The following FAM20C variants were observed in gnomAD, a reference collection of about 807,000 sequenced individuals.
FAM20C encodes the protein FAM20C golgi associated secretory pathway kinase, also known as extracellular serine/threonine protein kinase FAM20C.
Under a neutral mutation model 51.5 loss-of-function variants are expected in FAM20C, and 40 were observed. That is an observed-to-expected ratio of 0.78 (90% confidence interval 0.60 to 1.01). The LOEUF (loss-of-function observed/expected upper bound fraction) is 1.01. Ranked by LOEUF, FAM20C falls within the 50% of genes least tolerant of loss-of-function variation. The probability of loss-of-function intolerance (pLI) is 0.00; values close to 1 mark genes in which losing one functional copy is unlikely to be tolerated. For missense variants in FAM20C, 861 were observed against 844.7 expected, an observed-to-expected ratio of 1.02 and a Z score of -0.24; for synonymous variants, 406 against 380.6, an observed-to-expected ratio of 1.07 and a Z score of -0.78.
chr7:244,092 G>A (rs899615848), intron 3 of FAM20C, among the ~76,000 whole-genome samples: 10 of 151,852 alleles, frequency 6.6e-5, no homozygotes, highest in African/African-American at 1.9e-4. Flanking sequence ...GTGCCACCAC[G>A]CCCAGCTGAT....
At chr7:228,468 G>A in intron 3 of FAM20C, 1 of 456,136 alleles carries the variant, frequency 2.2e-6, no homozygotes, top group South Asian at 1.5e-5. Context: ...GGCTCAGTGT[G>A]GGGTCAACAA....
intron 3 of FAM20C, among the ~76,000 whole-genome samples, chr7:213,061 C>T (rs995101804): frequency 5.3e-5 from 8 of 151,532 alleles, no homozygotes; most frequent in African/African-American, 1.7e-4. Flanking sequence ...AATGGAATCA[C>T]GCACTGCGTA....
chr7:242,586 T>A (rs141458076), intron 3 of FAM20C, among the ~76,000 whole-genome samples: 1 of 151,790 alleles, frequency 6.6e-6, no homozygotes, highest in Non-Finnish European at 1.5e-5. Flanking sequence ...GGGAGCGGGA[T>A]GGACAGTGGG....
chr7:222,952 G>T (rs1787302672), intron 3 of FAM20C, among the ~76,000 whole-genome samples: 3 of 152,172 alleles, frequency 2.0e-5, no homozygotes. Flanking sequence ...GCATGTGTGT[G>T]TGAGGGCGTT....
intron 3 of FAM20C, among the ~76,000 whole-genome samples, chr7:215,228 TGGG>T (rs71016858): frequency 1.2e-5 from 1 of 80,030 alleles, no homozygotes; most frequent in South Asian, 5.2e-4. Context: ...AGGCTCCAGC[TGGG>T]GGGGGGAGCA....
chr7:235,647 G>A (rs910516740), intron 3 of FAM20C, among the ~76,000 whole-genome samples: 2 of 152,324 alleles, frequency 1.3e-5, no homozygotes, highest in Admixed American at 6.5e-5. Context: ...GTCTCCTCCC[G>A]CTCGGGTGGG....
intron 3 of FAM20C, among the ~76,000 whole-genome samples, chr7:232,744 C>CTA (rs1296554813): frequency 6.6e-6 from 1 of 152,244 alleles, no homozygotes; most frequent in Admixed American, 6.5e-5. Flanking sequence ...CCGGGAATGC[C>CTA]TAGCGCCGCG....
In FAM20C at chr7:246,220, G is replaced by A. The variant is rs371477031; in HGVS notation, c.864-195G>A. On this transcript the variant is annotated intron_variant, in intron 3 of 9. Coordinates refer to ENST00000313766, the MANE Select transcript of FAM20C (RefSeq NM_020223.4). ...CGGGGAGCTGGGACCCCCGGCCTCCGTCGCACGTGCCTGCGCTGCTCTGAG... is the reference window on the plus strand; with the variant it reads ...CGGGGAGCTGGGACCCCCGGCCTCCATCGCACGTGCCTGCGCTGCTCTGAG... 259 of 561,592 alleles carry A rather than the reference G, an allele frequency of 4.6e-4. 7 individuals are homozygous for A. In the South Asian group the frequency reaches 4.7e-3, roughly 10 times the overall value. 34.8% of individuals were successfully genotyped at this position (561,592 alleles called of 1,614,324 possible). A position where few individuals can be genotyped will look rare whatever the true frequency, so the allele number is the denominator to read the frequency against.
intron 3 of FAM20C, among the ~76,000 whole-genome samples, chr7:245,415 C>T (rs1041305523): frequency 1.3e-5 from 2 of 151,890 alleles, no homozygotes; most frequent in African/African-American, 4.8e-5. Flanking sequence ...GGGACGGGCT[C>T]TCCTTCCAGT....
At chr7:223,618 C>T (rs900326956) in intron 3 of FAM20C, among the ~76,000 whole-genome samples, 2 of 152,186 alleles carry the variant, frequency 1.3e-5, no homozygotes, top group African/African-American at 2.4e-5. Flanking sequence ...GTCCCGGCTG[C>T]TGCACCGAGC....
rs1562388903 is a variant in FAM20C, at chr7:237,481, G to A, written c.864-8934G>A. ...TGCTGATGGTGATTGTGATGATAGT[G>A]ATGGTGATGATGGAGATAATGGTGA... is the stretch of plus-strand genomic sequence containing the variant. On this transcript the variant is annotated intron_variant, in intron 3 of 9. Transcript: ENST00000313766. Among the ~76,000 whole-genome samples, 3 of 152,194 alleles carry A rather than the reference G, an allele frequency of 2.0e-5. 1 individual carries two copies. The South Asian group carries it at 6.2e-4, about 32-fold the overall frequency.
intron 2 of FAM20C, among the ~76,000 whole-genome samples, chr7:197,899 GCTCACTGCCACCC>G (rs1785955483): frequency 2.0e-5 from 3 of 152,200 alleles, no homozygotes; most frequent in Admixed American, 2.0e-4. Flanking sequence ...GCTAGGCTTG[GCTCACTGCCACCC>G]CTCTTTGGTC....
At chr7:251,021 G>T (rs1486112428) in intron 5 of FAM20C, among the ~76,000 whole-genome samples, 1 of 152,210 alleles carries the variant, frequency 6.6e-6, no homozygotes, top group Non-Finnish European at 1.5e-5. Flanking sequence ...GGTCAATGAT[G>T]CCCACTGATG....
chr7:229,511 G>A (rs80128815), intron 3 of FAM20C: 8,604 of 157,610 alleles, frequency 0.055, 636 homozygotes, highest in African/African-American at 0.17. Flanking sequence ...CCGTCCTCAC[G>A]CAAACAGTCC....
chr7:226,904 CAGAG>C (rs1343198609), intron 3 of FAM20C, among the ~76,000 whole-genome samples: 3 of 152,176 alleles, frequency 2.0e-5, no homozygotes, highest in Non-Finnish European at 2.9e-5. Flanking sequence ...GCAAAACCCT[CAGAG>C]AGTGCGGTTC....
chr7:195,603 G>A lies in FAM20C; in HGVS notation c.655G>A (p.Ala219Thr). The change falls in exon 2 of 10, where the codon GCC (alanine) becomes ACC (threonine). Residue 219 changes from alanine (A) to threonine (T), a missense_variant. Physicochemically the swap from Ala to Thr is moderately conservative, Grantham distance 58. Around this residue, in one of 3 missense-constraint regions of FAM20C, gnomAD observed 561 missense variants for 499.8 expected, o/e 1.12. Coordinates refer to ENST00000313766, the MANE Select transcript of FAM20C (RefSeq NM_020223.4). The stretch of plus-strand genomic sequence containing the variant: ...AGAATTCCTCTCCCCCGGGGAGGCG[G>A]CCGTGGACTCCTATCCCAACTGGCT... ...GAEFLSPGEA[A>T]VDSYPNWLKF... 6.2e-7 allele frequency: 1 copy of A among 1,603,350 alleles called. No homozygotes were observed. The highest frequency in any genetic ancestry group is 8.5e-7 in the Non-Finnish European group (1 of 1,174,524).
chr7:244,672 A>G (rs1437379137), intron 3 of FAM20C, among the ~76,000 whole-genome samples: 4 of 152,224 alleles, frequency 2.6e-5, no homozygotes, highest in South Asian at 4.1e-4. Flanking sequence ...AGCAATGGCC[A>G]CAGACCCAGT....
intron 3 of FAM20C, 95 bp downstream of exon 3, chr7:209,071 A>G: frequency 7.6e-7 from 1 of 1,313,478 alleles, no homozygotes; most frequent in Non-Finnish European, 1.1e-6. Flanking sequence ...GTCTCCTCCC[A>G]GGGTGTTTTG....
At chr7:243,944 A>AATAATGATT (rs771341264) in intron 3 of FAM20C, among the ~76,000 whole-genome samples, 1 of 136,846 alleles carries the variant, frequency 7.3e-6, no homozygotes, top group Non-Finnish European at 1.6e-5. Flanking sequence ...TAATAATAAT[A>AATAATGATT]ATTATTATTA....
Sources: allele counts gnomAD v4.1 joint callset (sites outside exome capture counted in the v4.1 genomes callset), GRCh38; gene constraint gnomAD v4.1.1; regional missense constraint gnomAD v4.1.1; transcripts MANE v1.5; gene names NCBI Gene and HGNC (gene_info 2026-07-23, HGNC 2026-07-21).